Variants in EIF4E observed in about 807,000 individuals in gnomAD.
EIF4E encodes eIF-4F 25 kDa subunit.
For synonymous variants in EIF4E, 71 were observed against 88.5 expected, an observed-to-expected ratio of 0.80 and a Z score of 1.11; for missense variants, 113 against 265.6, an observed-to-expected ratio of 0.43 and a Z score of 3.99.
intron 2 of EIF4E, among the ~76,000 whole-genome samples, chr4:98,895,739 C>A (rs1206969878): frequency 6.6e-6 from 1 of 152,096 alleles, no homozygotes; most frequent in Non-Finnish European, 1.5e-5. Context: ...ACCTCTGCAC[C>A]CAGCCATTTA....
chr4:98,909,654 G>A (rs761332384), intron 1 of EIF4E: 8 of 711,492 alleles, frequency 1.1e-5, no homozygotes, highest in Non-Finnish European at 1.6e-5. Flanking sequence ...CTTCCAACCT[G>A]TGCTGGCAAA....
intron 1 of EIF4E, among the ~76,000 whole-genome samples, chr4:98,917,133 C>CACACACAA (rs1386548303): frequency 6.5e-4 from 36 of 55,286 alleles, no homozygotes; most frequent in Middle Eastern, 8.3e-3. Context: ...CACACACACA[C>CACACACAA]AAAAAAAACC....
chr4:98,911,661 CAAAAAAAAAA>C (rs767631331), intron 1 of EIF4E, among the ~76,000 whole-genome samples: 1 of 60,042 alleles, frequency 1.7e-5, no homozygotes. Flanking sequence ...AACTCTGTCT[CAAAAAAAAAA>C]AAAAAAAAAA....
intron 1 of EIF4E, among the ~76,000 whole-genome samples, chr4:98,908,656 A>G (rs1724981592): frequency 6.6e-6 from 1 of 152,196 alleles, no homozygotes; most frequent in Non-Finnish European, 1.5e-5. Flanking sequence ...CATCCAAACT[A>G]TGAGTTTTTA....
At chr4:98,910,056 C>T (rs1174885400) in intron 1 of EIF4E, 1 of 294,556 alleles carries the variant, frequency 3.4e-6, no homozygotes, top group Non-Finnish European at 6.1e-6. Flanking sequence ...TTGGTGAAAA[C>T]ACTGAAAAAC....
Position 98,885,028 on chromosome 4 carries a change from A to G in EIF4E, c.433T>C (p.Tyr145His). Reference protein sequence around the residue: ...LCLIGESFDDYSDDVCGAVVN... With the variant: ...LCLIGESFDDHSDDVCGAVVN... ...ACAGCGCCACATACATCATCACTGT[A>G]GTCATCAAAAGATTCTCCAATAAGG... The change falls in exon 6 of 7, where the codon TAC becomes CAC. Residue 145 changes from tyrosine to histidine, a missense_variant. Transcript: ENST00000450253. 1.2e-6 allele frequency: 2 copies of G among 1,613,510 alleles called. No individual in the cohort carries two copies. Among genetic ancestry groups the G allele is most frequent in the Non-Finnish European group, 1.7e-6 (2 of 1,179,644 alleles).
intron 1 of EIF4E, among the ~76,000 whole-genome samples, chr4:98,911,654 T>G (rs1156429710): frequency 2.1e-5 from 2 of 93,768 alleles, no homozygotes; most frequent in African/African-American, 9.6e-5. Context: ...AGAGCGAAAC[T>G]CTGTCTCAAA....
chr4:98,892,111 C>A (rs1342194485), intron 2 of EIF4E, among the ~76,000 whole-genome samples: 1 of 152,016 alleles, frequency 6.6e-6, no homozygotes, highest in Non-Finnish European at 1.5e-5. Flanking sequence ...CTCTGGGAGG[C>A]TGAGGTGGGC....
At chr4:98,919,877 G>C (rs773080499) in intron 1 of EIF4E, among the ~76,000 whole-genome samples, 44 of 152,014 alleles carry the variant, frequency 2.9e-4, no homozygotes, top group African/African-American at 1.0e-3. Flanking sequence ...TAGCTTCTGA[G>C]GCCATACTGC....
At chr4:98,898,574 A>G (rs1302375022) in intron 2 of EIF4E, among the ~76,000 whole-genome samples, 1 of 143,480 alleles carries the variant, frequency 7.0e-6, no homozygotes, top group Non-Finnish European at 1.5e-5. Context: ...CGAGACTCCG[A>G]AAAAAAAAAA....
chr4:98,881,897 A>C (rs1169954281), intron 6 of EIF4E, among the ~76,000 whole-genome samples: 1 of 152,242 alleles, frequency 6.6e-6, no homozygotes, highest in Non-Finnish European at 1.5e-5. Context: ...AGGAGATTCT[A>C]ATCTCATCTA....
chr4:98,922,305 C>T (rs1194117815), intron 1 of EIF4E, among the ~76,000 whole-genome samples: 3 of 152,154 alleles, frequency 2.0e-5, no homozygotes, highest in Non-Finnish European at 4.4e-5. Flanking sequence ...CGCCTGTAAT[C>T]CCAGCACTTT....
intron 1 of EIF4E, among the ~76,000 whole-genome samples, chr4:98,908,914 G>T (rs1724993447): frequency 6.6e-6 from 1 of 152,176 alleles, no homozygotes. Context: ...CCTGTTTGTT[G>T]TTTCAGTATA....
At chr4:98,902,035 CA>C in intron 1 of EIF4E, 53 bp from the exon 2 acceptor site, 1 of 1,500,788 alleles carries the variant, frequency 6.7e-7, no homozygotes, top group Non-Finnish European at 9.3e-7. Context: ...ACATCTATGA[CA>C]GCAATATTCT....
At chr4:98,919,307 AC>A (rs1369640005) in intron 1 of EIF4E, among the ~76,000 whole-genome samples, 1 of 151,070 alleles carries the variant, frequency 6.6e-6, no homozygotes, top group African/African-American at 2.4e-5. Context: ...CCATCTCAAA[AC>A]AAAAACAGAA....
At chr4:98,916,768 T>C (rs77905260) in intron 1 of EIF4E, among the ~76,000 whole-genome samples, 3,523 of 152,180 alleles carry the variant, frequency 0.023, 120 homozygotes, top group African/African-American at 0.081. Flanking sequence ...TGACACTTAA[T>C]ATTCAAGGCC....
rs1723985897 is a variant in EIF4E at position 98,887,802 on chromosome 4, T to C, written c.285+87A>G. The C allele has an allele frequency of 1.7e-6, 2 of 1,198,816 alleles. No homozygotes were observed. Among genetic ancestry groups the C allele is most frequent in the East Asian group, 5.0e-5 (2 of 39,958 alleles). 74.3% of individuals were successfully genotyped at this position (1,198,816 alleles called of 1,614,324 possible). ...TCAGCCTATTCATCACACTATCAAA[T>C]ATTCCTAAGTTTATGGTAAGATTTC... On this transcript the variant is annotated intron_variant, in intron 4 of 6. Coordinates refer to ENST00000450253, the MANE Select transcript of EIF4E (RefSeq NM_001968.5). The surrounding 1 kb of genome is among the most constrained non-coding windows in gnomAD (Gnocchi z 4.0).
intron 5 of EIF4E, 110 bp from the exon 6 acceptor site, chr4:98,885,171 G>T: frequency 2.6e-5 from 34 of 1,320,286 alleles, no homozygotes; most frequent in Non-Finnish European, 3.1e-5. Context: ...TAAATCAAGA[G>T]TTAATTTTTT....
chr4:98,886,616 G>A, intron 5 of EIF4E: 1 of 359,182 alleles, frequency 2.8e-6, no homozygotes, highest in South Asian at 2.2e-5. Context: ...TTAAGAGGCT[G>A]AAGTGGGAGG....
Sources: allele counts gnomAD v4.1 joint callset (sites outside exome capture counted in the v4.1 genomes callset), GRCh38; gene constraint gnomAD v4.1.1; non-coding constraint Gnocchi (gnomAD v3.1); transcripts MANE v1.5; gene names NCBI Gene and HGNC (gene_info 2026-07-23, HGNC 2026-07-21).